TXNRD2: variants seen among roughly 807,000 people sequenced by gnomAD.
The protein encoded by TXNRD2 is thioredoxin reductase 2, mitochondrial.
Under a neutral mutation model 70.8 loss-of-function variants are expected in TXNRD2, and 67 were observed. The ratio of observed to expected loss-of-function variants is 0.95; its 90% confidence interval spans 0.78 to 1.16. TXNRD2 has a LOEUF of 1.16. Among genes scored for constraint, TXNRD2 ranks in the 50% most tolerant of loss-of-function variants. The pLI is 0.00. For missense variants in TXNRD2, 644 were observed against 719.9 expected (o/e 0.89, Z 1.21); for synonymous variants, 301 against 295.8 (o/e 1.02, Z -0.18).
chr22:19,936,284 G>A (rs1941536669), intron 1 of TXNRD2, among the ~76,000 whole-genome samples: 1 of 151,750 alleles, frequency 6.6e-6, no homozygotes. Context: ...TCTCCCACTC[G>A]GCCTTCATTA....
intron 1 of TXNRD2, among the ~76,000 whole-genome samples, chr22:19,938,636 A>C (rs1228087733): frequency 6.6e-6 from 1 of 152,180 alleles, no homozygotes; most frequent in Non-Finnish European, 1.5e-5. Context: ...TGATGGTCAA[A>C]AGGGAACAAT....
rs910284209 is a variant in TXNRD2 at position 19,933,462 on chromosome 22, T to C, written c.104-2364A>G. The C allele has an allele frequency of 9.3e-6, 12 of 1,289,642 alleles. No homozygotes were observed. The South Asian group carries it at 9.9e-5, about 11-fold the overall frequency. 79.9% of individuals were successfully genotyped at this position (1,289,642 alleles called of 1,614,324 possible). A position where few individuals can be genotyped will look rare whatever the true frequency, so the allele number is the denominator to read the frequency against. On this transcript the variant is annotated intron_variant, in intron 1 of 17. Coordinates refer to ENST00000400521, the MANE Select transcript of TXNRD2 (RefSeq NM_006440.5). The stretch of plus-strand genomic sequence containing the variant: ...CCATGGCAGGTGCCTGTCCTTCTTG[T>C]TGCCATAGCAGGGCCCTTGTTAGGT...
At chr22:19,905,557 A>G (rs9606174) in intron 8 of TXNRD2, among the ~76,000 whole-genome samples, 31,214 of 152,052 alleles carry the variant, frequency 0.21, 4,054 homozygotes, top group African/African-American at 0.36. Flanking sequence ...GGGAACAGGC[A>G]CAACGAGGGT....
chr22:19,906,184 GATTTGTGCAGCACAC>G (rs1940003686), intron 8 of TXNRD2, among the ~76,000 whole-genome samples: 1 of 152,124 alleles, frequency 6.6e-6, no homozygotes. Flanking sequence ...CCATGCTGGC[GATTTGTGCAGCACAC>G]ATGGGCATGC....
intron 1 of TXNRD2, among the ~76,000 whole-genome samples, chr22:19,936,894 G>A (rs1941555591): frequency 6.6e-6 from 1 of 152,164 alleles, no homozygotes. Flanking sequence ...AAGTAGATTA[G>A]AGGCGTGGGC....
intron 5 of TXNRD2, among the ~76,000 whole-genome samples, chr22:19,917,063 C>G (rs1442730797): frequency 6.6e-6 from 1 of 152,222 alleles, no homozygotes; most frequent in East Asian, 1.9e-4. Context: ...CTTCAATCAC[C>G]TCGACAGCCA....
intron 14 of TXNRD2, among the ~76,000 whole-genome samples, chr22:19,879,729 G>A (rs535065569): frequency 2.6e-5 from 4 of 152,126 alleles, no homozygotes; most frequent in African/African-American, 9.7e-5. Context: ...CATCTTCGGG[G>A]CCCTGGTGCT....
chr22:19,889,174 G>A (rs1301880718), intron 11 of TXNRD2, among the ~76,000 whole-genome samples: 1 of 152,060 alleles, frequency 6.6e-6, no homozygotes, highest in Admixed American at 6.6e-5. Flanking sequence ...GCAGCATAAG[G>A]GCCTTTCCTA....
intron 8 of TXNRD2, among the ~76,000 whole-genome samples, chr22:19,906,429 A>T (rs549562895): frequency 6.6e-6 from 1 of 152,276 alleles, no homozygotes; most frequent in Non-Finnish European, 1.5e-5. Context: ...GTTCAAGACT[A>T]GCCTGGGCCA....
At chr22:19,881,843 T>C (rs1938794006) in intron 12 of TXNRD2, among the ~76,000 whole-genome samples, 1 of 152,196 alleles carries the variant, frequency 6.6e-6, no homozygotes, top group South Asian at 2.1e-4. Flanking sequence ...CTAAGCAAGC[T>C]GGGGCTGCAG....
chr22:19,878,059 C>G (rs369539445), intron 16 of TXNRD2, 31 bp downstream of exon 16: 14 of 1,583,528 alleles, frequency 8.8e-6, no homozygotes, highest in Non-Finnish European at 1.1e-5. Context: ...AGCTGCACAT[C>G]GCATCGCAGC....
At chr22:19,935,175 C>A (rs1020354514) in intron 1 of TXNRD2, among the ~76,000 whole-genome samples, 1 of 152,146 alleles carries the variant, frequency 6.6e-6, no homozygotes, top group Non-Finnish European at 1.5e-5. Flanking sequence ...TCGCTAAATT[C>A]TTTTCCTAGC....
intron 4 of TXNRD2, 132 bp downstream of exon 4, chr22:19,918,726 CAG>C (rs1439545829): frequency 3.4e-5 from 37 of 1,087,738 alleles, no homozygotes; most frequent in East Asian, 7.1e-5. Context: ...GCAGACAGCG[CAG>C]AGTCGCCCCT....
At chr22:19,886,062 G>A (rs1939015550) in intron 11 of TXNRD2, among the ~76,000 whole-genome samples, 1 of 152,250 alleles carries the variant, frequency 6.6e-6, no homozygotes, top group Non-Finnish European at 1.5e-5. Flanking sequence ...CCAGGGGAGA[G>A]TGGGCTGCGC....
chr22:19,891,874 C>T (rs370135675), intron 11 of TXNRD2: 2 of 152,286 alleles, frequency 1.3e-5, no homozygotes, highest in African/African-American at 4.8e-5. Flanking sequence ...AAGGCTGCGT[C>T]GAGGAAGGGG....
chr22:19,877,303 C>A, intron 16 of TXNRD2, 69 bp from the exon 17 acceptor site: 3 of 1,443,098 alleles, frequency 2.1e-6, no homozygotes, highest in East Asian at 2.3e-5. Flanking sequence ...ATCCCACCCC[C>A]GGGAAGAGGA....
In TXNRD2 at chr22:19,925,397, T is replaced by C. The variant is rs545594644; in HGVS notation, c.172+5633A>G. ...ACCCCCAGAGCCATATTACAAGAAA[T>C]GCTAAAGGATGCCCTTAAGGTAGAA... On this transcript the variant is annotated intron_variant, in intron 2 of 17. Transcript: ENST00000400521. 1.6e-4 allele frequency among the ~76,000 whole-genome samples: 24 copies of C among 151,798 alleles called. 2 individuals carry two copies. The South Asian group carries it at 4.8e-3, about 30-fold the overall frequency.
chr22:19,932,627 G>A, intron 1 of TXNRD2: 1 of 1,391,664 alleles, frequency 7.2e-7, no homozygotes, highest in Non-Finnish European at 9.4e-7. Context: ...TCAGTCTGCT[G>A]GGGTGAGGGC....
intron 11 of TXNRD2, chr22:19,895,146 T>C (rs1476214754): frequency 7.5e-6 from 12 of 1,598,358 alleles, no homozygotes; most frequent in South Asian, 1.1e-5. Flanking sequence ...GTCTCTTCTC[T>C]GGTTTTTTCC....
Sources: allele counts gnomAD v4.1 joint callset (sites outside exome capture counted in the v4.1 genomes callset), GRCh38; gene constraint gnomAD v4.1.1; transcripts MANE v1.5; gene names NCBI Gene and HGNC (gene_info 2026-07-23, HGNC 2026-07-21).